The following KNDC1 variants were observed in gnomAD, a reference collection of about 807,000 sequenced individuals.
The protein encoded by KNDC1 is kinase non-catalytic C-lobe domain-containing protein 1.
A neutral mutation model predicts 172.8 loss-of-function variants in KNDC1; 106 were observed. That is an observed-to-expected ratio of 0.61 (90% CI 0.52 to 0.72). The LOEUF (loss-of-function observed/expected upper bound fraction) is 0.72, where lower values mean the gene tolerates loss of function less well. Among genes scored for constraint, KNDC1 ranks in the 30% least tolerant of loss-of-function variants. The pLI is 0.00. For synonymous variants in KNDC1, 1,083 were observed against 1,062.2 expected (o/e 1.02, Z -0.38); for missense variants, 2,325 against 2,394.5 (o/e 0.97, Z 0.61).
chr10:133,191,144 G>T (rs1320164090), intron 9 of KNDC1, among the ~76,000 whole-genome samples: 1 of 151,808 alleles, frequency 6.6e-6, no homozygotes, highest in African/African-American at 2.4e-5. Context: ...TTCGAGACCA[G>T]CCTGGGCAAC....
Position 133,210,720 on chromosome 10 carries a change from A to C in KNDC1, c.3904A>C (p.Thr1302Pro). 6.2e-7 allele frequency: 1 copy of C among 1,611,480 alleles called. No homozygotes were observed. Among genetic ancestry groups the C allele is most frequent in the Non-Finnish European group, 8.5e-7 (1 of 1,177,586 alleles). ...CCTCGACCGCATCAACAGCACGCTG[A>C]CCAGGTACCAAGCTCCACAGCTCCA... The part of the protein sequence containing the change: ...FLLDRINSTL[T>P]RAHQDPTSTF... The change falls in exon 21 of 30, where the codon ACC (threonine) becomes CCC (proline). Residue 1302 changes from threonine to proline, a missense_variant. Transcript: ENST00000304613.
intron 17 of KNDC1, chr10:133,202,599 T>C (rs766504544): frequency 1.8e-5 from 8 of 456,464 alleles, no homozygotes; most frequent in Non-Finnish European, 2.6e-5. Flanking sequence ...ACCGTCTGCC[T>C]CGAGCTGAGC....
intron 3 of KNDC1, among the ~76,000 whole-genome samples, chr10:133,180,843 G>A (rs1244249135): frequency 6.6e-6 from 1 of 152,266 alleles, no homozygotes; most frequent in Non-Finnish European, 1.5e-5. Context: ...GATACGAACA[G>A]ATGCTTGGTC....
intron 23 of KNDC1, among the ~76,000 whole-genome samples, 163 bp downstream of exon 23, chr10:133,212,021 G>A (rs544635674): frequency 6.6e-6 from 1 of 152,248 alleles, no homozygotes; most frequent in East Asian, 1.9e-4. Flanking sequence ...ACACTTGTGT[G>A]CACATACATA....
chr10:133,161,034 C>G (rs1157958607), intron 1 of KNDC1, among the ~76,000 whole-genome samples: 1 of 152,040 alleles, frequency 6.6e-6, no homozygotes. Context: ...AGAGCTGCTT[C>G]CTGCTCTCTG....
At chr10:133,211,985 A>G (rs563309824) in intron 23 of KNDC1, 127 bp downstream of exon 23, 4 of 839,944 alleles carry the variant, frequency 4.8e-6, no homozygotes, top group African/African-American at 3.4e-5. Context: ...AGCTGTATAC[A>G]TGCATACACA....
chr10:133,226,128 C>T lies in KNDC1; in HGVS notation c.*1238C>T, dbSNP rs1413472974. 6.6e-6 allele frequency: 1 copy of T among 152,270 alleles called. No individual in the cohort carries two copies. Among genetic ancestry groups the T allele is most frequent in the East Asian group, 1.9e-4 (1 of 5,200 alleles). 9.4% of individuals were successfully genotyped at this position (152,270 alleles called of 1,614,324 possible). On this transcript the variant is annotated 3_prime_UTR_variant, in exon 30 of 30. Transcript: ENST00000304613. ...CAAGATGTGTTTTCCCACATAAATT[C>T]ACCGGAGACATCCGGGCCCCGCTTC...
intron 3 of KNDC1, among the ~76,000 whole-genome samples, chr10:133,177,735 CAT>C (rs1036647730): frequency 2.5e-4 from 38 of 151,872 alleles, no homozygotes; most frequent in African/African-American, 6.8e-4. Flanking sequence ...GTTGTGGCCA[CAT>C]GAGTGTTGCA....
intron 23 of KNDC1, 134 bp downstream of exon 23, chr10:133,211,992 C>A: frequency 1.2e-6 from 1 of 803,262 alleles, no homozygotes; most frequent in Non-Finnish European, 1.9e-6. Context: ...TACATGCATA[C>A]ACATAGACGT....
chr10:133,170,322 G>C (rs1286405007), intron 3 of KNDC1, among the ~76,000 whole-genome samples: 2 of 152,146 alleles, frequency 1.3e-5, no homozygotes, highest in Admixed American at 6.5e-5. Context: ...AGGATCGCTG[G>C]CTCCTGCAGG....
At chr10:133,189,721 T>C (rs761371390) in intron 8 of KNDC1, 31 bp from the exon 9 acceptor site, 2 of 1,612,010 alleles carry the variant, frequency 1.2e-6, no homozygotes, top group East Asian at 2.2e-5. Flanking sequence ...TCGCCAGGGG[T>C]GAGGAAAGCT....
intron 17 of KNDC1, among the ~76,000 whole-genome samples, chr10:133,203,287 G>A (rs1424505293): frequency 6.8e-6 from 1 of 147,210 alleles, no homozygotes; most frequent in Admixed American, 6.8e-5. Flanking sequence ...CCAAACTCAC[G>A]GCGTCCAGCG....
chr10:133,162,871 G>A (rs764122204), intron 1 of KNDC1, among the ~76,000 whole-genome samples: 9 of 152,228 alleles, frequency 5.9e-5, no homozygotes, highest in African/African-American at 9.6e-5. Flanking sequence ...ACACGTGGCC[G>A]TGCGTGTGTG....
At chr10:133,222,146 G>A (rs760472363) in intron 29 of KNDC1, among the ~76,000 whole-genome samples, 973 of 140,914 alleles carry the variant, frequency 6.9e-3, no homozygotes, top group African/African-American at 0.01. Context: ...AGCCGGGCGC[G>A]GTGGCGGGCG....
At position 133,199,047 on chromosome 10, in the gene KNDC1, C is replaced by T. The variant is rs748212589; in HGVS notation, c.2539C>T (p.Pro847Ser). ...GCGCCCGGGCCAGGAGCCAGAGGGC[C>T]CCGGGGCCACCCCTGCCGGGGAACG... ...TERPGQEPEG[P>S]GATPAGERDD... Residue 847 changes from proline to serine, a missense_variant, in exon 14 of 30, where the codon CCC becomes TCC. Physicochemically the swap from Pro to Ser is moderately conservative, Grantham distance 74. Coordinates refer to ENST00000304613, the MANE Select transcript of KNDC1 (RefSeq NM_152643.8). 1.9e-6 allele frequency: 3 copies of T among 1,590,524 alleles called. No homozygotes were observed. Among genetic ancestry groups the T allele is most frequent in the African/African-American group, 1.3e-5 (1 of 74,346 alleles).
intron 9 of KNDC1, among the ~76,000 whole-genome samples, chr10:133,194,862 C>T (rs116065261): frequency 0.017 from 2,594 of 152,346 alleles, 75 homozygotes; most frequent in African/African-American, 0.057. Flanking sequence ...TCTGTGGCCG[C>T]TCCCTTGAGA....
intron 3 of KNDC1, among the ~76,000 whole-genome samples, chr10:133,176,485 G>A (rs554847944): frequency 3.0e-4 from 46 of 152,284 alleles, no homozygotes; most frequent in Non-Finnish European, 4.7e-4. Flanking sequence ...CCTGCCCTCT[G>A]TGTGTGCAGT....
intron 26 of KNDC1, among the ~76,000 whole-genome samples, chr10:133,215,609 G>A (rs541210021): frequency 7.9e-5 from 12 of 152,378 alleles, no homozygotes; most frequent in African/African-American, 2.9e-4. Flanking sequence ...GTGTGGCCAG[G>A]CTTCATGAGG....
chr10:133,201,249 G>C lies in KNDC1; in HGVS notation c.2990-252G>C, dbSNP rs114476641. ...CGGGGCGAGTACGAGTTTGGAAGCA[G>C]TGAGGGCGCAGAGTGGGGCTCCATC... On this transcript the variant is annotated intron_variant, in intron 16 of 29. Coordinates refer to ENST00000304613, the MANE Select transcript of KNDC1 (RefSeq NM_152643.8). Among the ~76,000 whole-genome samples, 933 of 152,340 alleles carry C rather than the reference G, an allele frequency of 6.1e-3. 7 individuals carry two copies. The highest frequency in any genetic ancestry group is 0.021 in the African/African-American group (892 of 41,578).
Sources: allele counts gnomAD v4.1 joint callset (sites outside exome capture counted in the v4.1 genomes callset), GRCh38; gene constraint gnomAD v4.1.1; transcripts MANE v1.5; gene names NCBI Gene and HGNC (gene_info 2026-07-23, HGNC 2026-07-21).